GHR: variants seen among roughly 807,000 people sequenced by gnomAD.
GHR encodes growth hormone receptor, also known as GH receptor.
In GHR, 35 loss-of-function variants were observed where a neutral mutation model predicts 67.1. The ratio of observed to expected loss-of-function variants is 0.52; its 90% CI spans 0.40 to 0.69. The LOEUF (loss-of-function observed/expected upper bound fraction) is 0.69, where lower values mean the gene tolerates loss of function less well. Ranked by LOEUF, GHR falls within the 30% of genes least tolerant of loss-of-function variation. The pLI is 0.00. For missense variants in GHR, 792 were observed against 764.6 expected, an observed-to-expected ratio of 1.04 and a Z score of -0.42; for synonymous variants, 272 against 269.1, an observed-to-expected ratio of 1.01 and a Z score of -0.10.
chr5:42,709,859 G>C (rs543719939), intron 6 of GHR, among the ~76,000 whole-genome samples: 1 of 152,212 alleles, frequency 6.6e-6, no homozygotes, highest in Admixed American at 6.5e-5. Flanking sequence ...TAGGAGCCAC[G>C]TAAGTAGGAG....
intron 1 of GHR, among the ~76,000 whole-genome samples, chr5:42,485,674 G>T (rs1745847794): frequency 6.6e-6 from 1 of 152,250 alleles, no homozygotes; most frequent in Non-Finnish European, 1.5e-5. Flanking sequence ...CTATACATTA[G>T]AAGTTTCTAA....
chr5:42,640,766 A>ATGTGTGTG (rs10628675), intron 3 of GHR, among the ~76,000 whole-genome samples: 77 of 151,226 alleles, frequency 5.1e-4, no homozygotes, highest in African/African-American at 1.8e-3. Context: ...CATATCATAT[A>ATGTGTGTG]TGTGTGTGTG....
At chr5:42,601,052 G>A (rs780539709) in intron 2 of GHR, among the ~76,000 whole-genome samples, 1 of 148,136 alleles carries the variant, frequency 6.8e-6, no homozygotes, top group African/African-American at 2.5e-5. Context: ...TCAGCCTCCT[G>A]AGTAGCTGGG....
Position 42,543,774 on chromosome 5 carries a change from C to T in GHR, c.-11-22090C>T, listed in dbSNP as rs75154466. 4.3e-3 allele frequency among the ~76,000 whole-genome samples: 656 copies of T among 152,160 alleles called. 3 individuals carry two copies. The highest frequency in any genetic ancestry group is 0.015 in the African/African-American group (630 of 41,536). ...GATTTTATAAAATTATCAGTAATAA[C>T]CTTTTCTATAACTGATTATTTGCAG... On this transcript the variant is annotated intron_variant, in intron 1 of 9. Coordinates refer to ENST00000230882, the MANE Select transcript of GHR (RefSeq NM_000163.5).
intron 6 of GHR, among the ~76,000 whole-genome samples, chr5:42,705,038 A>G (rs1201281632): frequency 1.3e-5 from 2 of 152,282 alleles, no homozygotes; most frequent in Middle Eastern, 3.4e-3. Context: ...TCCATGATCA[A>G]GTAGGATTTA....
At chr5:42,565,084 A>T (rs1202068061) in intron 1 of GHR, among the ~76,000 whole-genome samples, 1 of 152,172 alleles carries the variant, frequency 6.6e-6, no homozygotes, top group Non-Finnish European at 1.5e-5. Flanking sequence ...TTGTGCTGAC[A>T]GAAGTGTTGA....
At chr5:42,433,201 CTTA>C (rs1353069814) in intron 1 of GHR, among the ~76,000 whole-genome samples, 1 of 151,588 alleles carries the variant, frequency 6.6e-6, no homozygotes, top group African/African-American at 2.4e-5. Flanking sequence ...TCTTAGTATA[CTTA>C]TTATGGAGCA....
rs1757848305 is a variant in GHR, at chr5:42,699,875, T to C, written c.491T>C (p.Leu164Ser). 1.2e-6 allele frequency: 2 copies of C among 1,609,646 alleles called. No homozygotes were observed. Among genetic ancestry groups the C allele is most frequent in the South Asian group, 2.2e-5 (2 of 90,998 alleles). Residue 164 changes from leucine to serine, a missense_variant, in exon 6 of 10, where the codon TTA (leucine) becomes TCA (serine). Transcript: ENST00000230882. ...AACTGGACTTTACTGAACGTCAGTT[T>C]AACTGGGATTCATGCAGATATCCAA... Reference protein sequence around the residue: ...ALNWTLLNVSLTGIHADIQVR... With the variant: ...ALNWTLLNVSSTGIHADIQVR...
At chr5:42,427,983 T>C (rs538532436) in intron 1 of GHR, among the ~76,000 whole-genome samples, 9 of 152,282 alleles carry the variant, frequency 5.9e-5, no homozygotes, top group East Asian at 1.9e-4. Context: ...GCCCCTACCA[T>C]TGGGGGTGCT....
intron 1 of GHR, among the ~76,000 whole-genome samples, chr5:42,456,820 A>G (rs1282987043): frequency 3.3e-5 from 5 of 152,218 alleles, no homozygotes; most frequent in Non-Finnish European, 7.3e-5. Context: ...ATCTTTGAAT[A>G]TGGAAAAATC....
rs541769341 is a variant in GHR, at chr5:42,669,085, G to A, written c.137-19805G>A. Among the ~76,000 whole-genome samples, 385 of 152,208 alleles carry A rather than the reference G, an allele frequency of 2.5e-3. 1 individual carries two copies. Among genetic ancestry groups the A allele is most frequent in the Non-Finnish European group, 3.0e-3 (206 of 68,010 alleles). On this transcript the variant is annotated intron_variant, in intron 3 of 9. Coordinates refer to ENST00000230882, the MANE Select transcript of GHR (RefSeq NM_000163.5). ...GATGATTCTCATTCTCAGGAAACTG[G>A]TCCAGCCCCTTTACATAAAATATTC... is the stretch of plus-strand genomic sequence containing the variant.
At chr5:42,487,758 G>A (rs756789813) in intron 1 of GHR, among the ~76,000 whole-genome samples, 21 of 152,056 alleles carry the variant, frequency 1.4e-4, no homozygotes, top group Non-Finnish European at 1.9e-4. Flanking sequence ...CATATATTTC[G>A]TCCATCGGCC....
At chr5:42,604,319 G>A (rs1222246625) in intron 2 of GHR, among the ~76,000 whole-genome samples, 3 of 152,194 alleles carry the variant, frequency 2.0e-5, no homozygotes, top group East Asian at 3.8e-4. Flanking sequence ...AAGAGTATTA[G>A]CTAGTGCTAA....
chr5:42,674,333 G>A (rs1756463987), intron 3 of GHR, among the ~76,000 whole-genome samples: 1 of 152,114 alleles, frequency 6.6e-6, no homozygotes, highest in African/African-American at 2.4e-5. Context: ...TGCTTTGTAT[G>A]TTTTAGATAG....
intron 3 of GHR, among the ~76,000 whole-genome samples, chr5:42,633,902 T>A (rs1229714900): frequency 2.0e-5 from 3 of 152,244 alleles, no homozygotes; most frequent in Non-Finnish European, 4.4e-5. Context: ...GATTTTGTCC[T>A]GTGAGCCATA....
At chr5:42,624,640 C>T (rs535468688) in intron 2 of GHR, among the ~76,000 whole-genome samples, 1 of 130,164 alleles carries the variant, frequency 7.7e-6, no homozygotes, top group South Asian at 2.3e-4. Flanking sequence ...CAAAAATTTC[C>T]TTTCACTTTG....
At chr5:42,470,675 C>A (rs1307888229) in intron 1 of GHR, among the ~76,000 whole-genome samples, 3 of 151,960 alleles carry the variant, frequency 2.0e-5, no homozygotes, top group South Asian at 4.2e-4. Flanking sequence ...GATTAGTTTG[C>A]CGCAGCCCCT....
At chr5:42,543,403 G>T (rs1325235850) in intron 1 of GHR, among the ~76,000 whole-genome samples, 3 of 152,018 alleles carry the variant, frequency 2.0e-5, no homozygotes, top group Non-Finnish European at 4.4e-5. Flanking sequence ...CCCTCCTTTA[G>T]GTATTATTTA....
intron 1 of GHR, among the ~76,000 whole-genome samples, chr5:42,474,148 C>G (rs1487498614): frequency 6.6e-6 from 1 of 150,792 alleles, no homozygotes; most frequent in Non-Finnish European, 1.5e-5. Context: ...AAGATTGTGC[C>G]ACAGCACTCC....
Sources: gnomAD v4.1 joint callset for allele counts (sites outside exome capture counted in the v4.1 genomes callset) on GRCh38, gnomAD v4.1.1 for gene constraint, MANE v1.5 for transcripts, NCBI Gene and HGNC (gene_info 2026-07-23, HGNC 2026-07-21) for gene names.